RBM44: variants seen among roughly 807,000 people sequenced by gnomAD.
RBM44 encodes RNA-binding protein 44.
A neutral mutation model predicts 105.1 loss-of-function variants in RBM44; 66 were observed. The observed-to-expected ratio is 0.63, with a 90% confidence interval of 0.52 to 0.77. The LOEUF is 0.77. Ranked by LOEUF, RBM44 falls within the 30% of genes least tolerant of loss-of-function variation. The probability of loss-of-function intolerance (pLI) is 0.00; values close to 1 mark genes in which losing one functional copy is unlikely to be tolerated. For synonymous variants in RBM44, 365 were observed against 417.6 expected (o/e 0.87, Z 1.54); for missense variants, 1,122 against 1,207.8 (o/e 0.93, Z 1.05).
chr2:237,819,370 T>A (rs1576506393), intron 4 of RBM44, among the ~76,000 whole-genome samples: 1 of 152,098 alleles, frequency 6.6e-6, no homozygotes, highest in Non-Finnish European at 1.5e-5. Flanking sequence ...TTGCTTTGCA[T>A]TTATCAGATA....
intron 4 of RBM44, 100 bp from the exon 5 acceptor site, chr2:237,820,075 A>C (rs1429648526): frequency 1.7e-6 from 1 of 589,536 alleles, no homozygotes; most frequent in Non-Finnish European, 2.8e-6. Flanking sequence ...TTTAAACTTG[A>C]CAGGGAAATA....
chr2:237,828,272 C>A (rs887980267), intron 12 of RBM44, among the ~76,000 whole-genome samples: 1 of 151,820 alleles, frequency 6.6e-6, no homozygotes, highest in Non-Finnish European at 1.5e-5. Flanking sequence ...AAATTTTTAT[C>A]AATTAAGAAA....
Position 237,818,494 on chromosome 2 carries a change from A to G in RBM44, c.1575A>G (p.Ser525=). ...QKSVACSTDW[S]YSEDCIDTQM... is the part of the protein sequence containing the mutation. ...GTGTGGCTTGTAGTACAGATTGGTC[A>G]TACAGTGAAGATTGTATAGATACAC... The change falls in exon 3 of 16, where the codon TCA becomes TCG. Residue 525 remains serine, a synonymous_variant. Coordinates refer to ENST00000316997, the MANE Select transcript of RBM44 (RefSeq NM_001080504.3). The surrounding 1 kb of genome is among the most constrained non-coding windows in gnomAD (Gnocchi z 4.6). 1 of 1,612,288 alleles carries G rather than the reference A, an allele frequency of 6.2e-7. No individual in the cohort carries two copies. Among genetic ancestry groups the G allele is most frequent in the Non-Finnish European group, 8.5e-7 (1 of 1,179,052 alleles).
chr2:237,827,544 C>A, intron 12 of RBM44, 41 bp downstream of exon 12: 1 of 1,124,060 alleles, frequency 8.9e-7, no homozygotes, highest in Non-Finnish European at 1.3e-6. Flanking sequence ...TATTATGTGT[C>A]TGCTGTTTGC....
intron 8 of RBM44, among the ~76,000 whole-genome samples, chr2:237,822,316 C>A (rs903584510): frequency 1.3e-4 from 20 of 151,996 alleles, no homozygotes; most frequent in Admixed American, 6.6e-5. Context: ...CTTACTCTTT[C>A]TTGTTCCCGC....
Position 237,834,137 on chromosome 2 carries a change from C to T in RBM44, c.3027C>T (p.Val1009=), listed in dbSNP as rs969604135. 1 of 1,562,318 alleles carries T rather than the reference C, an allele frequency of 6.4e-7. No homozygotes were observed. The highest frequency in any genetic ancestry group is 1.4e-5 in the African/African-American group (1 of 73,252). ...IKRLAELHPE[V]SRDHIINALQ... ...GACTGGCTGAACTGCATCCAGAAGT[C>T]AGCAGGTAATAACCAAAATTATATT... The change falls in exon 14 of 16, where the codon GTC becomes GTT. Residue 1009 remains valine, a synonymous_variant. Coordinates refer to ENST00000316997, the MANE Select transcript of RBM44 (RefSeq NM_001080504.3).
At chr2:237,831,175 A>T (rs1344234336) in intron 13 of RBM44, among the ~76,000 whole-genome samples, 1 of 137,760 alleles carries the variant, frequency 7.3e-6, no homozygotes, top group African/African-American at 2.7e-5. Context: ...AGCCCTTCCT[A>T]ATCCTGACAG....
At chr2:237,830,452 T>A (rs2061892276) in intron 13 of RBM44, among the ~76,000 whole-genome samples, 1 of 152,144 alleles carries the variant, frequency 6.6e-6, no homozygotes, top group African/African-American at 2.4e-5. Flanking sequence ...TTTTTTTTAG[T>A]ATTTATGAAG....
At position 237,834,309 on chromosome 2, in the gene RBM44, A is replaced by C; in HGVS notation, c.3064A>C (p.Arg1022=). The C allele has an allele frequency of 1.3e-6, 2 of 1,580,398 alleles. No individual in the cohort carries two copies. The highest frequency in any genetic ancestry group is 1.7e-6 in the Non-Finnish European group (2 of 1,162,166). ...TATTATAAATGCACTTCAGGAAGTG[A>C]GAATAAGACATAAAGGTTTTCTGAA... ...DHIINALQEV[R]IRHKGFLNGL... Residue 1022 remains arginine, a synonymous_variant, in exon 15 of 16, where the codon AGA becomes CGA. Coordinates refer to ENST00000316997, the MANE Select transcript of RBM44 (RefSeq NM_001080504.3).
In RBM44 at chr2:237,821,448, G is replaced by C; in HGVS notation, c.2120+80G>C. 3.8e-6 allele frequency: 4 copies of C among 1,061,386 alleles called. No individual in the cohort carries two copies. The South Asian group carries it at 5.9e-5, about 16-fold the overall frequency. The allele number at this position is 1,061,386 out of a possible 1,614,324, so 65.7% of individuals were successfully genotyped here. The stretch of plus-strand genomic sequence containing the variant: ...TTCAGTTAACTTTAAACTTTGTTTT[G>C]TTCCCTATTTAGAACATTGATAAAT... On this transcript the variant is annotated intron_variant, in intron 7 of 15. Transcript: ENST00000316997.
rs2062009795 is a variant in RBM44 at position 237,841,297 on chromosome 2, C to T, written c.*23-542C>T. ...ATGGATGGAGCTAGAGGCCGTTATC[C>T]TAAGCAAACTAATGCAGGAACAGAA... On this transcript the variant is annotated intron_variant, in intron 15 of 15. Transcript: ENST00000316997. This position sits in a 1 kb window ranked among gnomAD's most constrained non-coding sequence, Gnocchi z 4.5. Among the ~76,000 whole-genome samples, 1 of 152,150 alleles carries T rather than the reference C, an allele frequency of 6.6e-6. No individual in the cohort carries two copies. Among genetic ancestry groups the T allele is most frequent in the African/African-American group, 2.4e-5 (1 of 41,422 alleles).
intron 15 of RBM44, among the ~76,000 whole-genome samples, chr2:237,839,399 T>C (rs2061989673): frequency 6.6e-6 from 1 of 152,118 alleles, no homozygotes; most frequent in African/African-American, 2.4e-5. Flanking sequence ...GCCTCCCAAG[T>C]AGCTGAGACT....
At chr2:237,801,384 G>T (rs1456315379) in intron 1 of RBM44, among the ~76,000 whole-genome samples, 1 of 152,130 alleles carries the variant, frequency 6.6e-6, no homozygotes, top group Non-Finnish European at 1.5e-5. Flanking sequence ...ATATGTATTT[G>T]AATTATCTTG....
Position 237,818,552 on chromosome 2 carries a change from C to T in RBM44, c.1633C>T (p.Leu545Phe). Reference protein sequence around the residue: ...MAITKGSGKSLSVDSLKPNGN... With the variant: ...MAITKGSGKSFSVDSLKPNGN... ...TATAACAAAAGGATCAGGAAAATCT[C>T]TCTCCGTTGACAGTTTAAAACCTAA... Residue 545 changes from leucine to phenylalanine, a missense_variant, in exon 3 of 16, where the codon CTC becomes TTC. Transcript: ENST00000316997. This position sits in a 1 kb window ranked among gnomAD's most constrained non-coding sequence, Gnocchi z 4.6. 1 of 1,591,162 alleles carries T rather than the reference C, an allele frequency of 6.3e-7. No individual in the cohort carries two copies. Among genetic ancestry groups the T allele is most frequent in the Non-Finnish European group, 8.5e-7 (1 of 1,169,890 alleles).
chr2:237,831,837 G>A (rs2061906165), intron 13 of RBM44, among the ~76,000 whole-genome samples: 1 of 152,008 alleles, frequency 6.6e-6, no homozygotes, highest in Middle Eastern at 3.2e-3. Flanking sequence ...TCATGTGTGG[G>A]ATTGATTTGT....
Position 237,821,365 on chromosome 2 carries a change from A to C in RBM44, c.2117A>C (p.His706Pro), listed in dbSNP as rs1403780590. Reference protein sequence around the residue: ...FASRLMKKETHVFSEADAEQD... With the variant: ...FASRLMKKETPVFSEADAEQD... ...TTCCAGCTAATGAAAAAAGAAACAC[A>C]TGTGTGAGTTATGGTTTCATTTGAT... is the stretch of plus-strand genomic sequence containing the variant. Residue 706 changes from histidine to proline, a missense_variant, in exon 7 of 16, where the codon CAT becomes CCT. Coordinates refer to ENST00000316997, the MANE Select transcript of RBM44 (RefSeq NM_001080504.3). 3 of 1,556,992 alleles carry C rather than the reference A, an allele frequency of 1.9e-6. No individual in the cohort carries two copies. The South Asian group carries it at 3.6e-5, about 19-fold the overall frequency.
chr2:237,826,371 C>T (rs567170794), intron 10 of RBM44, among the ~76,000 whole-genome samples: 2 of 152,176 alleles, frequency 1.3e-5, no homozygotes, highest in South Asian at 2.1e-4. Context: ...TGAAAACGTA[C>T]TCTTAAGAAT....
intron 1 of RBM44, among the ~76,000 whole-genome samples, 166 bp downstream of exon 1, chr2:237,799,027 G>A (rs1333720296): frequency 6.6e-6 from 1 of 151,922 alleles, no homozygotes; most frequent in Non-Finnish European, 1.5e-5. Context: ...GTGTAGGCGA[G>A]GCCAGCGAGG....
In RBM44 at chr2:237,817,548, A is replaced by G. The variant is rs2061733404; in HGVS notation, c.629A>G (p.Asp210Gly). Residue 210 changes from aspartate to glycine, a missense_variant, in exon 3 of 16, where the codon GAT (aspartate) becomes GGT (glycine). Transcript: ENST00000316997. The part of the protein sequence containing the change: ...HLSFDQTKAL[D>G]ISNPEVVELG... ...TCTTTTGACCAAACAAAAGCATTAG[A>G]TATATCTAATCCAGAAGTTGTTGAA... The G allele has an allele frequency of 3.7e-6, 6 of 1,611,922 alleles. No homozygotes were observed. The highest frequency in any genetic ancestry group is 5.1e-6 in the Non-Finnish European group (6 of 1,178,848).
Sources: gnomAD v4.1 joint callset for allele counts (sites outside exome capture counted in the v4.1 genomes callset) on GRCh38, gnomAD v4.1.1 for gene constraint, Gnocchi (gnomAD v3.1) non-coding constraint, MANE v1.5 for transcripts, NCBI Gene and HGNC (gene_info 2026-07-23, HGNC 2026-07-21) for gene names.